The following NAV3 variants were observed in gnomAD, a reference collection of about 807,000 sequenced individuals.
The protein encoded by NAV3 is neuron navigator 3.
Under a neutral mutation model 244.7 loss-of-function variants are expected in NAV3, and 87 were observed. The observed-to-expected ratio is 0.36, with a 90% CI of 0.30 to 0.42. The LOEUF (loss-of-function observed/expected upper bound fraction) is 0.42, where lower values mean the gene tolerates loss of function less well. Ranked by LOEUF, NAV3 falls within the 20% of genes least tolerant of loss-of-function variation. The pLI, the probability that NAV3 is intolerant of heterozygous loss-of-function variation, is 1.00. For missense variants in NAV3, 2,663 were observed against 2,893.3 expected (o/e 0.92, Z 1.83); for synonymous variants, 1,126 against 1,042.2 (o/e 1.08, Z -1.55).
At chr12:77,889,418 T>G (rs1883678300) in intron 1 of NAV3, among the ~76,000 whole-genome samples, 1 of 152,178 alleles carries the variant, frequency 6.6e-6, no homozygotes, top group Non-Finnish European at 1.5e-5. Context: ...CTACAGATCT[T>G]GGGCCTTTTC....
intron 2 of NAV3, among the ~76,000 whole-genome samples, chr12:77,773,387 C>A (rs1870194950): frequency 1.3e-5 from 2 of 152,082 alleles, no homozygotes; most frequent in African/African-American, 4.8e-5. Flanking sequence ...ACTCTAATGT[C>A]CCTATTATTT....
chr12:78,043,833 C>A (rs1881297008), intron 9 of NAV3, among the ~76,000 whole-genome samples: 1 of 152,080 alleles, frequency 6.6e-6, no homozygotes, highest in South Asian at 2.1e-4. Context: ...AATATTAGCC[C>A]TTTGTCAGAT....
At chr12:77,882,176 A>G (rs1160327345) in intron 1 of NAV3, among the ~76,000 whole-genome samples, 1 of 152,186 alleles carries the variant, frequency 6.6e-6, no homozygotes, top group African/African-American at 2.4e-5. Flanking sequence ...ACTTCAAACT[A>G]CACTCTATGG....
intron 5 of NAV3, among the ~76,000 whole-genome samples, chr12:77,984,336 G>A (rs144932691): frequency 5.5e-4 from 83 of 152,268 alleles, no homozygotes; most frequent in Non-Finnish European, 8.8e-4. Context: ...TAAGAATAAC[G>A]TAACATCAAA....
At chr12:78,096,843 C>G (rs1298491765) in intron 12 of NAV3, among the ~76,000 whole-genome samples, 1 of 152,140 alleles carries the variant, frequency 6.6e-6, no homozygotes, top group East Asian at 1.9e-4. Flanking sequence ...GGTTCTGAGC[C>G]TTTCCAGTTA....
chr12:77,608,937 A>T (rs1166411160), intron 2 of NAV3, among the ~76,000 whole-genome samples: 1 of 152,048 alleles, frequency 6.6e-6, no homozygotes, highest in Non-Finnish European at 1.5e-5. Context: ...GTTCTTCCAG[A>T]TCACATTCTG....
chr12:77,946,601 C>T (rs866293490), intron 3 of NAV3, among the ~76,000 whole-genome samples: 2 of 151,974 alleles, frequency 1.3e-5, no homozygotes, highest in Non-Finnish European at 2.9e-5. Flanking sequence ...GTGGATGGCA[C>T]CTGTTGAGTA....
At chr12:78,092,782 G>A (rs1243047906) in intron 12 of NAV3, among the ~76,000 whole-genome samples, 1 of 152,054 alleles carries the variant, frequency 6.6e-6, no homozygotes, top group African/African-American at 2.4e-5. Context: ...TTACAGGCGT[G>A]AGCCACCGCG....
chr12:77,961,679 A>G (rs1348014254), intron 3 of NAV3, among the ~76,000 whole-genome samples: 2 of 147,204 alleles, frequency 1.4e-5, no homozygotes, highest in East Asian at 3.9e-4. Context: ...TACATGTAAT[A>G]TATGTAATAT....
At chr12:78,002,964 C>A (rs886185756) in intron 7 of NAV3, among the ~76,000 whole-genome samples, 2 of 151,472 alleles carry the variant, frequency 1.3e-5, no homozygotes, top group African/African-American at 4.8e-5. Flanking sequence ...TATGCCTGTA[C>A]ATAAATTACA....
rs565683936 is a variant in NAV3 at position 78,128,097 on chromosome 12, AT to A, written c.4281-601del. Among the ~76,000 whole-genome samples, 46 of 151,666 alleles carry A rather than the reference AT, an allele frequency of 3.0e-4. No individual in the cohort carries two copies. In the South Asian group the frequency reaches 4.4e-3, roughly 14 times the overall value. On this transcript the variant is annotated intron_variant, in intron 17 of 39. Coordinates refer to ENST00000397909, the MANE Select transcript of NAV3 (RefSeq NM_001024383.2). ...TGGCGAAACTAGGTCTTTCTCCATT[AT>A]TTTTTTTCTCTCCAATTTTTCAGCA...
At chr12:78,020,769 A>G (rs1877018470) in intron 8 of NAV3, among the ~76,000 whole-genome samples, 1 of 152,174 alleles carries the variant, frequency 6.6e-6, no homozygotes, top group South Asian at 2.1e-4. Flanking sequence ...TTATTCATAT[A>G]TGAACATTAT....
chr12:77,726,296 A>T (rs188231379), intron 2 of NAV3, among the ~76,000 whole-genome samples: 1 of 151,974 alleles, frequency 6.6e-6, no homozygotes, highest in African/African-American at 2.4e-5. Flanking sequence ...CAGCCACAGA[A>T]CACTACAAGG....
intron 1 of NAV3, among the ~76,000 whole-genome samples, chr12:77,917,652 A>G (rs1008788814): frequency 4.6e-5 from 7 of 151,948 alleles, no homozygotes; most frequent in African/African-American, 1.7e-4. Flanking sequence ...TAATTTGCCC[A>G]TGTGTGGAGC....
intron 2 of NAV3, among the ~76,000 whole-genome samples, chr12:77,803,884 A>T: frequency 6.6e-6 from 1 of 152,146 alleles, no homozygotes; most frequent in East Asian, 1.9e-4. Context: ...ACCACTGATG[A>T]TGAGCTTCTT....
At chr12:77,670,319 A>G (rs138202693) in intron 2 of NAV3, among the ~76,000 whole-genome samples, 1 of 152,224 alleles carries the variant, frequency 6.6e-6, no homozygotes, top group African/African-American at 2.4e-5. Context: ...TACCAACCAA[A>G]AAAGCCCAGA....
chr12:77,917,631 A>G (rs1182509155), intron 1 of NAV3, among the ~76,000 whole-genome samples: 1 of 151,912 alleles, frequency 6.6e-6, no homozygotes, highest in Non-Finnish European at 1.5e-5. Flanking sequence ...CTTCTCTTGA[A>G]AGCTATATTT....
At chr12:77,870,238 G>A (rs148960890) in intron 1 of NAV3, among the ~76,000 whole-genome samples, 10 of 151,596 alleles carry the variant, frequency 6.6e-5, no homozygotes, top group African/African-American at 1.7e-4. Flanking sequence ...GTTGGCGCGC[G>A]CCTGTAGTCC....
intron 1 of NAV3, among the ~76,000 whole-genome samples, chr12:77,877,811 G>A (rs1292551424): frequency 6.6e-6 from 1 of 152,012 alleles, no homozygotes; most frequent in African/African-American, 2.4e-5. Context: ...GAAGGAGGAG[G>A]GAGAGGCGAA....
Sources: gnomAD v4.1 joint callset for allele counts (sites outside exome capture counted in the v4.1 genomes callset) on GRCh38, gnomAD v4.1.1 for gene constraint, MANE v1.5 for transcripts, NCBI Gene and HGNC (gene_info 2026-07-23, HGNC 2026-07-21) for gene names.